STK25: variants seen among roughly 807,000 people sequenced by gnomAD.
STK25 encodes the protein serine/threonine-protein kinase 25.
STK25 carries 29 observed loss-of-function variants against 53.8 expected under a neutral mutation model. That is an observed-to-expected ratio of 0.54 (90% CI 0.40 to 0.74). STK25 has a LOEUF of 0.74. Among genes scored for constraint, STK25 ranks in the 30% least tolerant of loss-of-function variants. The pLI is 0.00. For synonymous variants in STK25, 247 were observed against 238.3 expected (o/e 1.04, Z -0.33); for missense variants, 420 against 568.0 (o/e 0.74, Z 2.65).
chr2:241,496,558 AC>A lies in STK25; in HGVS notation c.1105-25del. 6.2e-7 allele frequency: 1 copy of A among 1,606,996 alleles called. No individual in the cohort carries two copies. The highest frequency in any genetic ancestry group is 1.7e-5 in the Admixed American group (1 of 59,860). ...AGCTGTGAAAAGACCACCACGCCTG[AC>A]CCTGGACCCCAGGACAGGCCTTCAG... On this transcript the variant is annotated intron_variant, in intron 10 of 11. Transcript: ENST00000316586. The surrounding 1 kb of genome is among the most constrained non-coding windows in gnomAD (Gnocchi z 5.8).
In STK25 at chr2:241,508,539, C is replaced by T; in HGVS notation, c.-197G>A. 2.0e-6 allele frequency: 2 copies of T among 998,576 alleles called. No individual in the cohort carries two copies. The highest frequency in any genetic ancestry group is 2.4e-6 in the Non-Finnish European group (2 of 837,728). The allele number at this position is 998,576 out of a possible 1,614,324, so 61.9% of individuals were successfully genotyped here. On this transcript the variant is annotated 5_prime_UTR_variant, in exon 1 of 12. Transcript: ENST00000316586. Reference sequence around the variant, plus strand: ...CTGTTCGCCCGGGGACCCCGGGCCTCCCAGCCCGCGAAGCAACGGTGGTGG... The same window carrying T: ...CTGTTCGCCCGGGGACCCCGGGCCTTCCAGCCCGCGAAGCAACGGTGGTGG...
chr2:241,507,369 C>T (rs1416825196), intron 2 of STK25, among the ~76,000 whole-genome samples: 1 of 152,222 alleles, frequency 6.6e-6, no homozygotes, highest in Non-Finnish European at 1.5e-5. Context: ...TTAAAGGTGG[C>T]TCCATAGTGG....
At chr2:241,500,612 A>T in intron 4 of STK25, 128 bp downstream of exon 4, 1 of 1,018,652 alleles carries the variant, frequency 9.8e-7, no homozygotes, top group Non-Finnish European at 1.5e-6. Context: ...TTTTTGCTTT[A>T]GACGATTCCT....
Position 241,498,331 on chromosome 2 carries a change from G to A in STK25, c.936C>T (p.Asp312=), listed in dbSNP as rs143583563. 50 of 1,598,440 alleles carry A rather than the reference G, an allele frequency of 3.1e-5. No individual in the cohort carries two copies. Among genetic ancestry groups the A allele is most frequent in the African/African-American group, 8.0e-5 (6 of 74,786 alleles). ...EDSDIDGEAE[D]GEQGPIWTFP... Reference sequence around the variant, plus strand: ...ACGTCCAGATGGGGCCCTGCTCCCCGTCCTCCGCCTCGCCATCACTGAAGA... The same window carrying A: ...ACGTCCAGATGGGGCCCTGCTCCCCATCCTCCGCCTCGCCATCACTGAAGA... Residue 312 remains aspartate, a synonymous_variant, in exon 9 of 12, where the codon GAC becomes GAT. Coordinates refer to ENST00000316586, the MANE Select transcript of STK25 (RefSeq NM_001271977.2).
rs767750703 is a variant in STK25 at position 241,496,222 on chromosome 2, G to T, written c.1241+176C>A. 3.3e-5 allele frequency among the ~76,000 whole-genome samples: 5 copies of T among 149,858 alleles called. No individual in the cohort carries two copies. Among genetic ancestry groups the T allele is most frequent in the Non-Finnish European group, 6.0e-5 (4 of 67,130 alleles). Reference sequence around the variant, plus strand: ...TCTCTCCAGCCCCAAAGTCTCCATGGCCCTGTGAGCTGGGTCCAAACAAGG... The same window carrying T: ...TCTCTCCAGCCCCAAAGTCTCCATGTCCCTGTGAGCTGGGTCCAAACAAGG... On this transcript the variant is annotated intron_variant, in intron 11 of 11. Transcript: ENST00000316586. This position sits in a 1 kb window ranked among gnomAD's most constrained non-coding sequence, Gnocchi z 5.8.
chr2:241,498,901 T>G (rs879036205), intron 7 of STK25, 88 bp downstream of exon 7: 1 of 1,608,080 alleles, frequency 6.2e-7, no homozygotes, highest in Non-Finnish European at 8.5e-7. Flanking sequence ...CTGGTGGGCC[T>G]GGGCCTCCGG....
chr2:241,493,737 G>A lies in STK25; in HGVS notation c.*1925C>T, dbSNP rs573722102. The A allele has an allele frequency of 2.6e-5, 13 of 495,692 alleles. No individual in the cohort carries two copies. In the South Asian group the frequency reaches 3.6e-4, roughly 14 times the overall value. 30.7% of individuals were successfully genotyped at this position (495,692 alleles called of 1,614,324 possible). On this transcript the variant is annotated 3_prime_UTR_variant, in exon 12 of 12. Transcript: ENST00000316586. ...AGCCTCCTGAGTAACTGAGATTACA[G>A]GCATGCACGCCACGCCGCCTGGCTA...
At position 241,501,734 on chromosome 2, in the gene STK25, G is replaced by C. The variant is rs367567470; in HGVS notation, c.31-26C>G. ...CTGTGGGGCCAGGGCGGGGACAGAG[G>C]GCAGACAGCGCCGGTCACAAGAGGC... On this transcript the variant is annotated intron_variant, in intron 2 of 11. Coordinates refer to ENST00000316586, the MANE Select transcript of STK25 (RefSeq NM_001271977.2). This position sits in a 1 kb window ranked among gnomAD's most constrained non-coding sequence, Gnocchi z 5.3. 5 of 1,580,676 alleles carry C rather than the reference G, an allele frequency of 3.2e-6. No individual in the cohort carries two copies. The African/African-American group carries it at 6.7e-5, about 21-fold the overall frequency.
At chr2:241,497,783 G>A in intron 9 of STK25, 96 bp from the exon 10 acceptor site, 2 of 1,283,962 alleles carry the variant, frequency 1.6e-6, no homozygotes, top group South Asian at 1.2e-5. Flanking sequence ...AAGAGACAGA[G>A]GCTGGGAGCA....
chr2:241,500,702 C>T (rs770802377), intron 4 of STK25, 38 bp downstream of exon 4: 1 of 1,607,796 alleles, frequency 6.2e-7, no homozygotes, highest in East Asian at 2.2e-5. Flanking sequence ...GGGACTCGGA[C>T]ACTGCATGAC....
chr2:241,493,687 A>T lies in STK25; in HGVS notation c.*1975T>A. ...TTGGCTCACTATAACCTGCACCTCC[A>T]GGGTTCAAGCGATTCTTCTGCCTCA... On this transcript the variant is annotated 3_prime_UTR_variant, in exon 12 of 12. Transcript: ENST00000316586. 1 of 543,952 alleles carries T rather than the reference A, an allele frequency of 1.8e-6. No homozygotes were observed. The allele number at this position is 543,952 out of a possible 1,614,324, so 33.7% of individuals were successfully genotyped here. A position where few individuals can be genotyped will look rare whatever the true frequency, so the allele number is the denominator to read the frequency against.
At chr2:241,502,254 G>C (rs2065557344) in intron 2 of STK25, among the ~76,000 whole-genome samples, 1 of 152,104 alleles carries the variant, frequency 6.6e-6, no homozygotes. Flanking sequence ...AGTATAAAGA[G>C]GCCAGGCCAA....
chr2:241,500,785 T>A lies in STK25; in HGVS notation c.273A>T (p.Leu91=). 1.2e-6 allele frequency: 2 copies of A among 1,613,872 alleles called. No homozygotes were observed. The highest frequency in any genetic ancestry group is 1.7e-6 in the Non-Finnish European group (2 of 1,179,894). ...YFGSYLKSTK[L]WIIMEYLGGG... ...CGCCCAGGTACTCCATGATGATCCA[T>A]AGCTTGGTGCTCTGGGACCGGAGAC... is the stretch of plus-strand genomic sequence containing the variant. The change falls in exon 4 of 12, where the codon CTA becomes CTT. Residue 91 remains leucine (L), a synonymous_variant. Coordinates refer to ENST00000316586, the MANE Select transcript of STK25 (RefSeq NM_001271977.2).
chr2:241,494,051 G>T lies in STK25; in HGVS notation c.*1611C>A. 1 of 1,423,730 alleles carries T rather than the reference G, an allele frequency of 7.0e-7. No homozygotes were observed. Among genetic ancestry groups the T allele is most frequent in the Non-Finnish European group, 9.2e-7 (1 of 1,088,500 alleles). 88.2% of individuals were successfully genotyped at this position (1,423,730 alleles called of 1,614,324 possible). A position where few individuals can be genotyped will look rare whatever the true frequency, so the allele number is the denominator to read the frequency against. On this transcript the variant is annotated 3_prime_UTR_variant, in exon 12 of 12. Transcript: ENST00000316586. This position sits in a 1 kb window ranked among gnomAD's most constrained non-coding sequence, Gnocchi z 4.9. ...GGGGGCCAGCAGCTCAGCCGGGAGG[G>T]CCCCAAGCATCGTGCAGGATGGCCC...
At chr2:241,507,717 T>C (rs2065925788) in intron 2 of STK25, among the ~76,000 whole-genome samples, 1 of 152,218 alleles carries the variant, frequency 6.6e-6, no homozygotes, top group African/African-American at 2.4e-5. Context: ...GCCCCGTCCC[T>C]GCGCCGGTGT....
intron 2 of STK25, among the ~76,000 whole-genome samples, chr2:241,503,806 G>A (rs1405078739): frequency 2.0e-5 from 3 of 151,702 alleles, no homozygotes; most frequent in East Asian, 1.9e-4. Context: ...CTGGGCCTGC[G>A]GAGACCGTGC....
Position 241,508,467 on chromosome 2 carries a change from C to T in STK25, c.-125G>A. 9.4e-7 allele frequency: 1 copy of T among 1,067,396 alleles called. No homozygotes were observed. 66.1% of individuals were successfully genotyped at this position (1,067,396 alleles called of 1,614,324 possible). On this transcript the variant is annotated 5_prime_UTR_variant, in exon 1 of 12. Coordinates refer to ENST00000316586, the MANE Select transcript of STK25 (RefSeq NM_001271977.2). ...CCTCCGCGGGGCTCCATCCCGGCCT[C>T]CCCCGGCCCGCTCTGCAGCGCCCGC...
intron 10 of STK25, 146 bp downstream of exon 10, chr2:241,497,470 A>G: frequency 1.3e-6 from 1 of 791,536 alleles, no homozygotes; most frequent in Non-Finnish European, 2.1e-6. Flanking sequence ...TGCTCCTTCC[A>G]CTCAGAAAAC....
rs758691127 is a variant in STK25 at position 241,492,910 on chromosome 2, A to G, written c.*2752T>C. The G allele has an allele frequency of 1.3e-6, 2 of 1,495,244 alleles. No homozygotes were observed. The highest frequency in any genetic ancestry group is 1.9e-6 in the Non-Finnish European group (2 of 1,071,674). 92.6% of individuals were successfully genotyped at this position (1,495,244 alleles called of 1,614,324 possible). On this transcript the variant is annotated 3_prime_UTR_variant, in exon 12 of 12. Coordinates refer to ENST00000316586, the MANE Select transcript of STK25 (RefSeq NM_001271977.2). ...CCTGGGTGCTGGTTAATGCACCTGC[A>G]TTTTTCCTTTATTGACAGAACCAGC... is the stretch of plus-strand genomic sequence containing the variant.
Sources: gnomAD v4.1 joint callset for allele counts (sites outside exome capture counted in the v4.1 genomes callset) on GRCh38, gnomAD v4.1.1 for gene constraint, Gnocchi (gnomAD v3.1) non-coding constraint, MANE v1.5 for transcripts, NCBI Gene and HGNC (gene_info 2026-07-23, HGNC 2026-07-21) for gene names.